The following RBMS3 variants were observed in gnomAD, a reference collection of about 807,000 sequenced individuals.
RBMS3 encodes the protein RNA binding motif single stranded interacting protein 3, also known as RNA-binding motif, single-stranded-interacting protein 3.
In RBMS3, 27 loss-of-function variants were observed where a neutral mutation model predicts 66.8. The observed-to-expected ratio is 0.40, with a 90% CI of 0.30 to 0.56. RBMS3 has a LOEUF of 0.56. Among genes scored for constraint, RBMS3 ranks in the 20% least tolerant of loss-of-function variants. The pLI is 0.40. For missense variants in RBMS3, 513 were observed against 549.5 expected (o/e 0.93, Z 0.66); for synonymous variants, 188 against 183.0 (o/e 1.03, Z -0.22).
intron 3 of RBMS3, among the ~76,000 whole-genome samples, chr3:29,541,744 G>T (rs1017497217): frequency 2.0e-5 from 3 of 152,154 alleles, no homozygotes; most frequent in Non-Finnish European, 4.4e-5. Context: ...TTATGCCATG[G>T]CTGGCAAGGT....
At chr3:29,363,284 T>C (rs2037710837) in intron 1 of RBMS3, among the ~76,000 whole-genome samples, 1 of 152,196 alleles carries the variant, frequency 6.6e-6, no homozygotes, top group Admixed American at 6.5e-5. Context: ...AGATTGTTCC[T>C]TATTTTTGTT....
intron 1 of RBMS3, among the ~76,000 whole-genome samples, chr3:29,325,700 A>G (rs554500048): frequency 6.6e-6 from 1 of 152,130 alleles, no homozygotes; most frequent in Non-Finnish European, 1.5e-5. Context: ...CATGACTGGT[A>G]TAGTTATCCA....
intron 1 of RBMS3, among the ~76,000 whole-genome samples, chr3:29,398,291 T>C (rs1349102552): frequency 6.6e-6 from 1 of 152,168 alleles, no homozygotes; most frequent in African/African-American, 2.4e-5. Context: ...GTAGTTTACC[T>C]CTTCAACACC....
At chr3:29,406,321 G>A (rs1003170289) in intron 1 of RBMS3, among the ~76,000 whole-genome samples, 4 of 152,112 alleles carry the variant, frequency 2.6e-5, no homozygotes, top group South Asian at 2.1e-4. Context: ...CAAATTACAC[G>A]GTGGGATGAT....
intron 3 of RBMS3, among the ~76,000 whole-genome samples, chr3:29,568,346 G>A (rs3773090): frequency 0.29 from 44,045 of 152,034 alleles, 6,988 homozygotes; most frequent in East Asian, 0.44. Flanking sequence ...TGTACATATA[G>A]GCAGGAGAAG....
At chr3:29,569,429 G>GA (rs1057053582) in intron 3 of RBMS3, among the ~76,000 whole-genome samples, 4 of 150,794 alleles carry the variant, frequency 2.7e-5, no homozygotes, top group Admixed American at 6.6e-5. Context: ...TATCTTTGTT[G>GA]AAAAAAAAAT....
intron 3 of RBMS3, among the ~76,000 whole-genome samples, chr3:29,555,560 T>C (rs972073289): frequency 6.6e-6 from 1 of 152,190 alleles, no homozygotes; most frequent in Non-Finnish European, 1.5e-5. Context: ...ATTGAAACAT[T>C]TCTACTTTTG....
intron 5 of RBMS3, among the ~76,000 whole-genome samples, chr3:29,751,104 G>T (rs532097226): frequency 5.3e-5 from 8 of 151,882 alleles, no homozygotes; most frequent in African/African-American, 9.7e-5. Flanking sequence ...CCCAATCAAG[G>T]GACCTAATAA....
At chr3:29,934,155 T>C (rs543266509) in intron 10 of RBMS3, 3 of 152,214 alleles carry the variant, frequency 2.0e-5, no homozygotes, top group Admixed American at 6.5e-5. Context: ...CTGTTTAGAA[T>C]TGAGGGGTTT....
intron 4 of RBMS3, among the ~76,000 whole-genome samples, chr3:29,618,460 C>T (rs1358184494): frequency 2.0e-5 from 3 of 151,764 alleles, no homozygotes; most frequent in South Asian, 2.1e-4. Context: ...GAGCCGAGAT[C>T]GTACCATTGT....
At chr3:30,002,564 C>T (rs568961951) in intron 14 of RBMS3, among the ~76,000 whole-genome samples, 1 of 152,044 alleles carries the variant, frequency 6.6e-6, no homozygotes, top group Admixed American at 6.6e-5. Flanking sequence ...CTTATTGTTG[C>T]TACTGTATGA....
At chr3:29,417,612 T>C (rs1365896872) in intron 1 of RBMS3, among the ~76,000 whole-genome samples, 1 of 152,168 alleles carries the variant, frequency 6.6e-6, no homozygotes, top group Non-Finnish European at 1.5e-5. Context: ...CTGCATAGCA[T>C]AGTATTTGAG....
At chr3:29,624,822 A>T (rs2049001008) in intron 4 of RBMS3, among the ~76,000 whole-genome samples, 1 of 152,208 alleles carries the variant, frequency 6.6e-6, no homozygotes, top group Non-Finnish European at 1.5e-5. Flanking sequence ...GTGTATGACG[A>T]TATCTTTTGA....
At chr3:29,942,877 C>T (rs1480483575) in intron 11 of RBMS3, among the ~76,000 whole-genome samples, 1 of 147,324 alleles carries the variant, frequency 6.8e-6, no homozygotes, top group Non-Finnish European at 1.5e-5. Flanking sequence ...CTAGGAGTTA[C>T]TACTATTATT....
intron 7 of RBMS3, among the ~76,000 whole-genome samples, chr3:29,880,112 C>A (rs953579763): frequency 3.3e-5 from 5 of 152,088 alleles, no homozygotes; most frequent in African/African-American, 7.2e-5. Context: ...CATTGAAAAT[C>A]TTTTCTTCTA....
At chr3:29,787,529 G>A (rs1559671495) in intron 6 of RBMS3, among the ~76,000 whole-genome samples, 1 of 152,196 alleles carries the variant, frequency 6.6e-6, no homozygotes, top group Non-Finnish European at 1.5e-5. Flanking sequence ...AATGGCATTT[G>A]CAGCAATGCC....
chr3:29,308,615 G>T (rs1296807687), intron 1 of RBMS3, among the ~76,000 whole-genome samples: 1 of 151,526 alleles, frequency 6.6e-6, no homozygotes, highest in Non-Finnish European at 1.5e-5. Context: ...CATGGAGGAT[G>T]TGCGATTTGA....
At chr3:29,823,705 G>A (rs1354069625) in intron 6 of RBMS3, among the ~76,000 whole-genome samples, 1 of 152,144 alleles carries the variant, frequency 6.6e-6, no homozygotes, top group Non-Finnish European at 1.5e-5. Flanking sequence ...TATATGGTTA[G>A]TGGCTACTAT....
chr3:29,432,780 A>C (rs1332087465), intron 1 of RBMS3, among the ~76,000 whole-genome samples: 1 of 152,214 alleles, frequency 6.6e-6, no homozygotes, highest in Non-Finnish European at 1.5e-5. Context: ...ATTTGAAATC[A>C]GAAGGATGGA....
Sources: allele counts gnomAD v4.1 joint callset (sites outside exome capture counted in the v4.1 genomes callset), GRCh38; gene constraint gnomAD v4.1.1; transcripts MANE v1.5; gene names NCBI Gene and HGNC (gene_info 2026-07-23, HGNC 2026-07-21).